The following THSD7B variants were observed in gnomAD, a reference collection of about 807,000 sequenced individuals.
THSD7B encodes thrombospondin type 1 domain containing 7B, also known as thrombospondin type-1 domain-containing protein 7B.
A neutral mutation model predicts 213.6 loss-of-function variants in THSD7B; 138 were observed. The ratio of observed to expected loss-of-function variants is 0.65; its 90% CI spans 0.56 to 0.74. THSD7B has a LOEUF of 0.74. Among genes scored for constraint, THSD7B ranks in the 30% least tolerant of loss-of-function variants. The pLI, the probability that THSD7B is intolerant of heterozygous loss-of-function variation, is 0.00. For synonymous variants in THSD7B, 742 were observed against 687.0 expected (o/e 1.08, Z -1.25); for missense variants, 1,931 against 1,991.5 (o/e 0.97, Z 0.58).
At chr2:137,449,563 T>G (rs1162943495) in intron 14 of THSD7B, among the ~76,000 whole-genome samples, 1 of 152,110 alleles carries the variant, frequency 6.6e-6, no homozygotes, top group Non-Finnish European at 1.5e-5. Context: ...CTCCCTCATG[T>G]TTTTGGCAGA....
At chr2:137,671,444 G>GGAAA (rs1366403253) in intron 27 of THSD7B, among the ~76,000 whole-genome samples, 1 of 149,966 alleles carries the variant, frequency 6.7e-6, no homozygotes, top group Non-Finnish European at 1.5e-5. Flanking sequence ...AATTTATAAA[G>GGAAA]GAAAGAGATT....
chr2:137,138,488 A>G (rs1558935022), intron 5 of THSD7B, among the ~76,000 whole-genome samples: 1 of 152,108 alleles, frequency 6.6e-6, no homozygotes, highest in Non-Finnish European at 1.5e-5. Flanking sequence ...GTGACTAATG[A>G]TGCTGAGATA....
At chr2:137,209,040 G>A (rs569232083) in intron 7 of THSD7B, among the ~76,000 whole-genome samples, 1 of 152,070 alleles carries the variant, frequency 6.6e-6, no homozygotes, top group East Asian at 1.9e-4. Flanking sequence ...GTTTTGGGAA[G>A]GGCTATGATT....
At chr2:137,550,924 C>T (rs1047644703) in intron 15 of THSD7B, among the ~76,000 whole-genome samples, 1 of 151,956 alleles carries the variant, frequency 6.6e-6, no homozygotes, top group Admixed American at 6.6e-5. Context: ...CGTCTGTACA[C>T]CAAACCCCTG....
At chr2:136,894,522 T>C (rs1683919596) in intron 2 of THSD7B, among the ~76,000 whole-genome samples, 1 of 152,180 alleles carries the variant, frequency 6.6e-6, no homozygotes, top group South Asian at 2.1e-4. Flanking sequence ...AGAAGCATGA[T>C]ATAAAACCTA....
At chr2:137,612,174 C>T (rs1046044142) in intron 17 of THSD7B, among the ~76,000 whole-genome samples, 1 of 152,126 alleles carries the variant, frequency 6.6e-6, no homozygotes, top group Non-Finnish European at 1.5e-5. Flanking sequence ...GTACAGTGTA[C>T]TAGTTATAGA....
At chr2:137,288,645 T>C (rs1683242356) in intron 12 of THSD7B, among the ~76,000 whole-genome samples, 1 of 152,020 alleles carries the variant, frequency 6.6e-6, no homozygotes, top group Non-Finnish European at 1.5e-5. Context: ...TGAAATTTCA[T>C]ACTCAATGGG....
intron 12 of THSD7B, among the ~76,000 whole-genome samples, chr2:137,286,674 T>C (rs923231744): frequency 1.3e-5 from 2 of 152,118 alleles, no homozygotes; most frequent in Non-Finnish European, 2.9e-5. Flanking sequence ...ACAGAGATAG[T>C]CACAGCCATT....
chr2:137,203,034 A>G (rs6755883), intron 7 of THSD7B, among the ~76,000 whole-genome samples: 89,480 of 151,448 alleles, frequency 0.59, 26,779 homozygotes, highest in South Asian at 0.71. Flanking sequence ...AGACATAGAT[A>G]GATAATGATG....
intron 14 of THSD7B, among the ~76,000 whole-genome samples, chr2:137,425,217 A>T (rs1240958024): frequency 6.6e-6 from 1 of 151,706 alleles, no homozygotes; most frequent in African/African-American, 2.4e-5. Context: ...ATTTATTTTT[A>T]TTTTTTATTT....
chr2:137,508,479 C>T (rs1679887256), intron 15 of THSD7B, among the ~76,000 whole-genome samples: 1 of 150,690 alleles, frequency 6.6e-6, no homozygotes, highest in Admixed American at 6.6e-5. Context: ...CGGGTTCACG[C>T]CATTCTCCTG....
chr2:137,010,773 G>A (rs899016817), intron 2 of THSD7B, among the ~76,000 whole-genome samples: 6 of 152,188 alleles, frequency 3.9e-5, no homozygotes, highest in Admixed American at 6.5e-5. Flanking sequence ...GGTAATAGAT[G>A]AGACAAAGTT....
intron 2 of THSD7B, among the ~76,000 whole-genome samples, chr2:136,998,715 ACTG>A (rs1186704552): frequency 5.9e-5 from 9 of 152,114 alleles, no homozygotes; most frequent in African/African-American, 4.8e-5. Context: ...ACACAAGAAT[ACTG>A]CTGCTGGTGG....
intron 10 of THSD7B, among the ~76,000 whole-genome samples, chr2:137,246,092 G>A (rs1573909496): frequency 6.6e-6 from 1 of 152,162 alleles, no homozygotes; most frequent in East Asian, 1.9e-4. Flanking sequence ...ACTAGCAGGT[G>A]GGGACAGGGT....
intron 3 of THSD7B, among the ~76,000 whole-genome samples, chr2:137,072,916 A>G (rs914333751): frequency 1.3e-5 from 2 of 152,040 alleles, no homozygotes; most frequent in East Asian, 1.9e-4. Flanking sequence ...TTATTGATTT[A>G]CGTATGTTGA....
intron 3 of THSD7B, among the ~76,000 whole-genome samples, chr2:137,066,391 A>T (rs567388143): frequency 6.6e-6 from 1 of 151,944 alleles, no homozygotes; most frequent in Non-Finnish European, 1.5e-5. Flanking sequence ...ACGGGGTTTC[A>T]CCATGTTGGT....
At chr2:137,321,603 A>G (rs1684265690) in intron 12 of THSD7B, among the ~76,000 whole-genome samples, 1 of 152,192 alleles carries the variant, frequency 6.6e-6, no homozygotes, top group African/African-American at 2.4e-5. Context: ...TCAACCAATC[A>G]TAGGCACTTT....
chr2:137,600,611 G>A (rs982261942), intron 17 of THSD7B, among the ~76,000 whole-genome samples: 1 of 152,128 alleles, frequency 6.6e-6, no homozygotes, highest in Non-Finnish European at 1.5e-5. Flanking sequence ...AGTGGCACAC[G>A]CCTGTAGTCC....
intron 15 of THSD7B, among the ~76,000 whole-genome samples, chr2:137,478,428 G>A (rs543317733): frequency 5.2e-4 from 79 of 151,856 alleles, no homozygotes; most frequent in African/African-American, 1.8e-3. Flanking sequence ...GTGTTTTTTT[G>A]TTGTTGTTGT....
Sources: gnomAD v4.1 joint callset for allele counts (sites outside exome capture counted in the v4.1 genomes callset) on GRCh38, gnomAD v4.1.1 for gene constraint, MANE v1.5 for transcripts, NCBI Gene and HGNC (gene_info 2026-07-23, HGNC 2026-07-21) for gene names.